Variants in FOCAD observed in about 807,000 individuals in gnomAD.
FOCAD encodes KIAA1797.
In FOCAD, 198 loss-of-function variants were observed where a neutral mutation model predicts 225.6. The observed-to-expected ratio is 0.88, with a 90% CI of 0.78 to 0.99. FOCAD has a LOEUF of 0.99. Among genes scored for constraint, FOCAD ranks in the 50% least tolerant of loss-of-function variants. The probability of loss-of-function intolerance (pLI) is 0.00; values close to 1 mark genes in which losing one functional copy is unlikely to be tolerated. For missense variants in FOCAD, 2,713 were observed against 2,123.6 expected (o/e 1.28, Z -5.46); for synonymous variants, 897 against 755.0 (o/e 1.19, Z -3.08).
At chr9:20,801,817 A>G (rs1346548782) in intron 11 of FOCAD, among the ~76,000 whole-genome samples, 2 of 152,144 alleles carry the variant, frequency 1.3e-5, no homozygotes, top group South Asian at 2.1e-4. Flanking sequence ...GATAGCTGTA[A>G]TTGAAATGAT....
At chr9:20,740,647 G>A (rs927860935) in intron 5 of FOCAD, among the ~76,000 whole-genome samples, 30 of 152,084 alleles carry the variant, frequency 2.0e-4, no homozygotes, top group Admixed American at 3.9e-4. Flanking sequence ...TTATGAAAAT[G>A]GAAGACTTCA....
Position 20,964,711 on chromosome 9 carries a change from T to C in FOCAD, c.4132+11646T>C, listed in dbSNP as rs543478941. ...CCACCACGCCCAGCTAATTTTTGTA[T>C]TTTTAGTAGAGACAGGCTTTCACCA... On this transcript the variant is annotated intron_variant, in intron 35 of 43. Transcript: ENST00000338382. Among the ~76,000 whole-genome samples the C allele has an allele frequency of 2.0e-5, 3 of 152,290 alleles. No homozygotes were observed. In the South Asian group the frequency reaches 6.2e-4, roughly 32 times the overall value.
At chr9:20,711,308 T>G (rs189947366) in intron 1 of FOCAD, among the ~76,000 whole-genome samples, 46 of 152,310 alleles carry the variant, frequency 3.0e-4, no homozygotes, top group Admixed American at 2.9e-3. Flanking sequence ...TTAGCTAGAT[T>G]AGAATTACAG....
chr9:20,772,786 C>T (rs577129063), intron 8 of FOCAD, among the ~76,000 whole-genome samples: 6 of 151,894 alleles, frequency 4.0e-5, no homozygotes, highest in African/African-American at 1.5e-4. Flanking sequence ...TCAAGTATTA[C>T]AAGTCATTTG....
At chr9:20,978,596 C>G (rs1230653023) in intron 37 of FOCAD, 142 bp downstream of exon 37, 1 of 502,186 alleles carries the variant, frequency 2.0e-6, no homozygotes, top group African/African-American at 2.0e-5. Context: ...TAGTAGCTGG[C>G]CTGCATATTG....
At chr9:20,863,315 C>T (rs1261576412) in intron 16 of FOCAD, 2 of 151,040 alleles carry the variant, frequency 1.3e-5, no homozygotes, top group South Asian at 2.1e-4. Flanking sequence ...AGTTGATTTT[C>T]ACTTGCAGTC....
intron 15 of FOCAD, among the ~76,000 whole-genome samples, chr9:20,826,971 A>G (rs1031880306): frequency 2.0e-5 from 3 of 152,086 alleles, no homozygotes; most frequent in African/African-American, 7.2e-5. Context: ...TAATTTTCTT[A>G]CTTCTTTCTG....
intron 4 of FOCAD, among the ~76,000 whole-genome samples, chr9:20,732,763 T>C (rs1826824469): frequency 6.6e-6 from 1 of 151,844 alleles, no homozygotes; most frequent in Non-Finnish European, 1.5e-5. Flanking sequence ...GCACTAGAGA[T>C]GGGGGAAGTA....
intron 9 of FOCAD, among the ~76,000 whole-genome samples, chr9:20,780,606 C>G (rs1819268780): frequency 6.6e-6 from 1 of 151,596 alleles, no homozygotes. Context: ...ATTGATTATT[C>G]CAAATTTAAA....
intron 38 of FOCAD, 23 bp from the exon 39 acceptor site, chr9:20,982,334 T>A: frequency 6.5e-7 from 1 of 1,527,322 alleles, no homozygotes; most frequent in Non-Finnish European, 9.1e-7. Context: ...TTTGTTGACA[T>A]GTTTGGGATT....
chr9:20,833,045 A>G (rs1455197952), intron 15 of FOCAD, among the ~76,000 whole-genome samples: 1 of 152,010 alleles, frequency 6.6e-6, no homozygotes, highest in Non-Finnish European at 1.5e-5. Context: ...GCTAGGTCAT[A>G]TGGTAGTTTT....
intron 15 of FOCAD, among the ~76,000 whole-genome samples, chr9:20,856,403 A>G (rs1299136291): frequency 6.6e-6 from 1 of 151,920 alleles, no homozygotes; most frequent in Non-Finnish European, 1.5e-5. Flanking sequence ...ATAAATATCT[A>G]TTCAGATGTT....
chr9:20,809,393 A>G lies in FOCAD; in HGVS notation c.1456-10403A>G, dbSNP rs190585719. ...GTGTGACTGAGGAACAGAAGTTTTA[A>G]TCGTATTTAATTTTAGTTAATTTAA... is the stretch of plus-strand genomic sequence containing the variant. On this transcript the variant is annotated intron_variant, in intron 11 of 43. Transcript: ENST00000338382. Among the ~76,000 whole-genome samples the G allele has an allele frequency of 3.7e-3, 570 of 152,256 alleles. 4 individuals are homozygous for G. Among genetic ancestry groups the G allele is most frequent in the African/African-American group, 0.013 (545 of 41,566 alleles).
intron 15 of FOCAD, among the ~76,000 whole-genome samples, chr9:20,858,234 A>G (rs954952125): frequency 4.0e-5 from 6 of 148,700 alleles, no homozygotes; most frequent in Admixed American, 2.8e-4. Context: ...GCTTTTATTG[A>G]TGGGAAACTT....
intron 4 of FOCAD, among the ~76,000 whole-genome samples, chr9:20,734,926 T>C (rs1006187324): frequency 5.3e-5 from 8 of 152,108 alleles, no homozygotes; most frequent in African/African-American, 1.4e-4. Flanking sequence ...GAATATCTTC[T>C]TTTGAGTATA....
chr9:20,697,540 C>T (rs1274239736), intron 1 of FOCAD, among the ~76,000 whole-genome samples: 19 of 152,240 alleles, frequency 1.2e-4, no homozygotes, highest in Non-Finnish European at 2.8e-4. Context: ...AACATGCTTC[C>T]ATCTCAAGGT....
At chr9:20,867,162 G>A in intron 18 of FOCAD, 150 bp downstream of exon 18, 1 of 526,074 alleles carries the variant, frequency 1.9e-6, no homozygotes, top group Non-Finnish European at 3.3e-6. Flanking sequence ...CCCATTATTT[G>A]TTTATATGTA....
At chr9:20,989,747 T>C (rs1024730910) in intron 41 of FOCAD, among the ~76,000 whole-genome samples, 18 of 152,186 alleles carry the variant, frequency 1.2e-4, no homozygotes, top group African/African-American at 4.3e-4. Context: ...CACATAACCA[T>C]AAATATTTCT....
intron 5 of FOCAD, among the ~76,000 whole-genome samples, chr9:20,753,819 A>C (rs1044994563): frequency 6.7e-6 from 1 of 150,296 alleles, no homozygotes; most frequent in Non-Finnish European, 1.5e-5. Flanking sequence ...GATAATGTGC[A>C]GTGTTTGTGT....
Sources: allele counts gnomAD v4.1 joint callset (sites outside exome capture counted in the v4.1 genomes callset), GRCh38; gene constraint gnomAD v4.1.1; transcripts MANE v1.5; gene names NCBI Gene and HGNC (gene_info 2026-07-23, HGNC 2026-07-21).